MYO9A: variants seen among roughly 807,000 people sequenced by gnomAD.
MYO9A encodes the protein myosin IXA.
Under a neutral mutation model 293.3 loss-of-function variants are expected in MYO9A, and 103 were observed. That is an observed-to-expected ratio of 0.35 (90% CI 0.30 to 0.41). MYO9A has a LOEUF of 0.41. MYO9A is among the 10% of genes least tolerant of loss of function. The pLI is 1.00. For synonymous variants in MYO9A, 1,001 were observed against 1,035.7 expected, an observed-to-expected ratio of 0.97 and a Z score of 0.64; for missense variants, 2,685 against 3,033.0, an observed-to-expected ratio of 0.89 and a Z score of 2.69.
intron 1 of MYO9A, among the ~76,000 whole-genome samples, chr15:72,111,357 C>T (rs148812421): frequency 0.018 from 2,636 of 149,608 alleles, 37 homozygotes; most frequent in South Asian, 0.027. Flanking sequence ...GGCATGGTGG[C>T]GTGCACCTGT....
In MYO9A at chr15:71,935,291, GACAAAAA is replaced by G. The variant is rs567484951; in HGVS notation, c.2522+43_2522+49del. On this transcript the variant is annotated intron_variant, in intron 17 of 41. Coordinates refer to ENST00000356056, the MANE Select transcript of MYO9A (RefSeq NM_006901.4). ...TTTTTCTGCCAGAAATTTTAAACCA[GACAAAAA>G]ACAAAAAACAAAAAACAATTTACAT... 1.2e-3 allele frequency: 1,793 copies of G among 1,505,056 alleles called. 1 individual carries two copies. The highest frequency in any genetic ancestry group is 1.4e-3 in the Non-Finnish European group (1,573 of 1,117,176). 93.2% of individuals were successfully genotyped at this position (1,505,056 alleles called of 1,614,324 possible). A position where few individuals can be genotyped will look rare whatever the true frequency, so the allele number is the denominator to read the frequency against.
intron 19 of MYO9A, among the ~76,000 whole-genome samples, chr15:71,906,758 C>CTTTCTTTTT (rs765264146): frequency 0.29 from 17,707 of 61,154 alleles, 5,070 homozygotes; most frequent in Non-Finnish European, 0.42. Flanking sequence ...CCATTTCTTT[C>CTTTCTTTTT]TTTTTTTTTT....
chr15:71,923,717 T>C (rs1403678785), intron 18 of MYO9A, among the ~76,000 whole-genome samples: 1 of 152,200 alleles, frequency 6.6e-6, no homozygotes, highest in Non-Finnish European at 1.5e-5. Context: ...CCTTTTCACA[T>C]CTCTGAATTT....
At chr15:72,101,724 G>A (rs1350204678) in intron 1 of MYO9A, among the ~76,000 whole-genome samples, 66 of 135,336 alleles carry the variant, frequency 4.9e-4, no homozygotes, top group African/African-American at 1.6e-3. Flanking sequence ...CAGCCGCCCC[G>A]TCTGGGAGGT....
At chr15:71,868,910 ATTC>A (rs1296387207) in intron 32 of MYO9A, among the ~76,000 whole-genome samples, 2 of 152,180 alleles carry the variant, frequency 1.3e-5, no homozygotes, top group African/African-American at 2.4e-5. Flanking sequence ...AGGCTAAGGA[ATTC>A]TTCTTTTATT....
chr15:72,060,425 A>G (rs1300539387), intron 1 of MYO9A, among the ~76,000 whole-genome samples: 1 of 152,180 alleles, frequency 6.6e-6, no homozygotes, highest in Non-Finnish European at 1.5e-5. Flanking sequence ...AATAAAAAAT[A>G]AAAGAGCCAC....
rs117730280 is a variant in MYO9A, at chr15:71,963,614, C to T, written c.1987-3518G>A. Among the ~76,000 whole-genome samples, 430 of 152,110 alleles carry T rather than the reference C, an allele frequency of 2.8e-3. 3 individuals carry two copies. Among genetic ancestry groups the T allele is most frequent in the Middle Eastern group, 0.014 (4 of 294 alleles). On this transcript the variant is annotated intron_variant, in intron 13 of 41. Transcript: ENST00000356056. ...CAGGCATACACGCCACCACGCCTGG[C>T]TAATTTTCTATTTTTTTAGTAGAGA... is the stretch of plus-strand genomic sequence containing the variant.
intron 1 of MYO9A, among the ~76,000 whole-genome samples, chr15:72,112,216 AAAAT>A (rs957358609): frequency 2.0e-5 from 3 of 152,218 alleles, no homozygotes; most frequent in Admixed American, 6.5e-5. Flanking sequence ...ATTGTAAAAA[AAAAT>A]AAATAAATAA....
rs1221960040 is a variant in MYO9A at position 72,110,294 on chromosome 15, G to C, written c.-72+7386C>G. Reference sequence around the variant, plus strand: ...CTACTAAAAATACAAAAATTAGCTGGGCACGGTGGCAGGCACCTGTAATCC... The same window carrying C: ...CTACTAAAAATACAAAAATTAGCTGCGCACGGTGGCAGGCACCTGTAATCC... On this transcript the variant is annotated intron_variant, in intron 1 of 41. Transcript: ENST00000356056. Among the ~76,000 whole-genome samples, 3 of 151,714 alleles carry C rather than the reference G, an allele frequency of 2.0e-5. No individual in the cohort carries two copies. In the East Asian group the frequency reaches 5.8e-4, roughly 29 times the overall value.
At chr15:72,113,440 T>C (rs1216087684) in intron 1 of MYO9A, among the ~76,000 whole-genome samples, 1 of 151,434 alleles carries the variant, frequency 6.6e-6, no homozygotes, top group African/African-American at 2.4e-5. Flanking sequence ...TCAGTAAGAG[T>C]GGATTAAAGT....
At chr15:71,932,192 T>C (rs1427088299) in intron 18 of MYO9A, among the ~76,000 whole-genome samples, 2 of 152,184 alleles carry the variant, frequency 1.3e-5, no homozygotes, top group African/African-American at 4.8e-5. Flanking sequence ...AGTAGGATTC[T>C]CTCTGCACTA....
At position 71,825,747 on chromosome 15, in the gene MYO9A, G is replaced by A. The variant is rs1245126460; in HGVS notation, c.*833C>T. The A allele has an allele frequency of 1.3e-5, 2 of 152,262 alleles. No homozygotes were observed. Among genetic ancestry groups the A allele is most frequent in the South Asian group, 4.1e-4 (2 of 4,822 alleles). The allele number at this position is 152,262 out of a possible 1,614,324, so 9.4% of individuals were successfully genotyped here. A position where few individuals can be genotyped will look rare whatever the true frequency, so the allele number is the denominator to read the frequency against. ...CCTTCATAAGTTTAGGGATCACCATGTCTCTGGGAAACTAAAAAATAATGT... is the reference window on the plus strand; with the variant it reads ...CCTTCATAAGTTTAGGGATCACCATATCTCTGGGAAACTAAAAAATAATGT... On this transcript the variant is annotated 3_prime_UTR_variant, in exon 42 of 42. Coordinates refer to ENST00000356056, the MANE Select transcript of MYO9A (RefSeq NM_006901.4).
intron 1 of MYO9A, among the ~76,000 whole-genome samples, chr15:72,054,434 G>A (rs1285663441): frequency 2.6e-5 from 4 of 152,042 alleles, no homozygotes; most frequent in African/African-American, 4.8e-5. Context: ...GCACTCTGGG[G>A]GGCCGAGGCG....
Position 71,851,435 on chromosome 15 carries a change from G to A in MYO9A, c.6476-77C>T, listed in dbSNP as rs112415992. On this transcript the variant is annotated intron_variant, in intron 36 of 41. Coordinates refer to ENST00000356056, the MANE Select transcript of MYO9A (RefSeq NM_006901.4). Reference sequence around the variant, plus strand: ...GTATCTTCCTCCCAGACACTATGAAGCAAAGAAGGCTGGCTACAGAGTTTT... The same window carrying A: ...GTATCTTCCTCCCAGACACTATGAAACAAAGAAGGCTGGCTACAGAGTTTT... 87 of 1,141,388 alleles carry A rather than the reference G, an allele frequency of 7.6e-5. No homozygotes were observed. The African/African-American group carries it at 1.2e-3, about 15-fold the overall frequency. 70.7% of individuals were successfully genotyped at this position (1,141,388 alleles called of 1,614,324 possible). A position where few individuals can be genotyped will look rare whatever the true frequency, so the allele number is the denominator to read the frequency against.
intron 39 of MYO9A, among the ~76,000 whole-genome samples, chr15:71,840,414 T>C (rs552993904): frequency 2.6e-5 from 4 of 152,264 alleles, no homozygotes; most frequent in African/African-American, 9.6e-5. Flanking sequence ...ATACTCCCAG[T>C]CCCATATCCT....
At position 71,826,618 on chromosome 15, in the gene MYO9A, G is replaced by A; in HGVS notation, c.7609C>T (p.Gln2537Ter). Residue 2537 changes from glutamine (Q) to a stop codon, truncating the protein, a stop_gained, in exon 42 of 42, where the codon CAG becomes TAG. Transcript: ENST00000356056. LOFTEE classifies it high-confidence loss of function. Reference sequence around the variant, plus strand: ...TCATTATTTCCAAAGAGTGCTAGCTGTTGGTTGGAGGTGCAGTCTGGGTCC... The same window carrying A: ...TCATTATTTCCAAAGAGTGCTAGCTATTGGTTGGAGGTGCAGTCTGGGTCC... ...TVDPDCTSNQ[Q>*]LALFGNNEFM... The A allele has an allele frequency of 6.2e-7, 1 of 1,609,014 alleles. No homozygotes were observed. Among genetic ancestry groups the A allele is most frequent in the African/African-American group, 1.3e-5 (1 of 74,340 alleles).
At chr15:72,049,978 G>T (rs2078505771) in intron 1 of MYO9A, among the ~76,000 whole-genome samples, 1 of 152,078 alleles carries the variant, frequency 6.6e-6, no homozygotes, top group South Asian at 2.1e-4. Flanking sequence ...GTCCTATCTT[G>T]GACCACTGTT....
chr15:71,932,275 A>C (rs1023188549), intron 18 of MYO9A, among the ~76,000 whole-genome samples: 1 of 152,074 alleles, frequency 6.6e-6, no homozygotes, highest in African/African-American at 2.4e-5. Flanking sequence ...GGGGGAAAAA[A>C]GTGGGCCCAC....
intron 39 of MYO9A, among the ~76,000 whole-genome samples, chr15:71,837,285 TACA>T (rs2054982655): frequency 6.6e-6 from 1 of 152,038 alleles, no homozygotes; most frequent in South Asian, 2.1e-4. Context: ...TCAGGAGGAT[TACA>T]ATATTGCTAT....
Sources: gnomAD v4.1 joint callset for allele counts (sites outside exome capture counted in the v4.1 genomes callset) on GRCh38, gnomAD v4.1.1 for gene constraint, MANE v1.5 for transcripts, NCBI Gene and HGNC (gene_info 2026-07-23, HGNC 2026-07-21) for gene names.